The following SOBP variants were observed in gnomAD, a reference collection of about 807,000 sequenced individuals.
The protein encoded by SOBP is sine oculis binding protein homolog, also known as sine oculis-binding protein homolog.
Under a neutral mutation model 53.6 loss-of-function variants are expected in SOBP, and 4 were observed. The observed-to-expected ratio is 0.07, with a 90% CI of 0.04 to 0.17. The LOEUF (loss-of-function observed/expected upper bound fraction) is 0.17. Among genes scored for constraint, SOBP ranks in the 10% least tolerant of loss-of-function variants. The probability of loss-of-function intolerance (pLI) is 1.00; values close to 1 mark genes in which losing one functional copy is unlikely to be tolerated. For synonymous variants in SOBP, 584 were observed against 522.6 expected, an observed-to-expected ratio of 1.12 and a Z score of -1.60; for missense variants, 1,088 against 1,204.7, an observed-to-expected ratio of 0.90 and a Z score of 1.43.
intron 4 of SOBP, among the ~76,000 whole-genome samples, chr6:107,558,765 A>T (rs1288294976): frequency 1.3e-5 from 2 of 152,000 alleles, no homozygotes; most frequent in Non-Finnish European, 2.9e-5. Flanking sequence ...GTTAATTCAT[A>T]AGATACTAGA....
intron 5 of SOBP, among the ~76,000 whole-genome samples, chr6:107,618,989 G>A (rs1255275645): frequency 6.6e-6 from 1 of 152,206 alleles, no homozygotes; most frequent in Non-Finnish European, 1.5e-5. Flanking sequence ...GGTGAGCAGG[G>A]GCGGGGGAGC....
chr6:107,492,359 A>C (rs1025524727), intron 1 of SOBP, among the ~76,000 whole-genome samples: 2 of 152,202 alleles, frequency 1.3e-5, no homozygotes, highest in East Asian at 3.8e-4. Context: ...AGGAAATCAC[A>C]AGGAGCTCTG....
At chr6:107,602,865 A>G (rs1786235893) in intron 5 of SOBP, among the ~76,000 whole-genome samples, 1 of 152,050 alleles carries the variant, frequency 6.6e-6, no homozygotes, top group Admixed American at 6.6e-5. Context: ...ATCTGTTGAC[A>G]TTTTCAGCAA....
rs186766667 is a variant in SOBP at position 107,614,021 on chromosome 6, A to G, written c.670-19493A>G. ...CAGGTTCAGAAGTATGTTGTGTTTC[A>G]TCTTGTGTCACATGTTAAGAATGAA... On this transcript the variant is annotated intron_variant, in intron 5 of 6. Transcript: ENST00000317357. Among the ~76,000 whole-genome samples the G allele has an allele frequency of 1.5e-4, 23 of 152,332 alleles. No homozygotes were observed. In the East Asian group the frequency reaches 4.2e-3, roughly 28 times the overall value.
At chr6:107,575,137 C>G (rs1383428147) in intron 4 of SOBP, among the ~76,000 whole-genome samples, 1 of 152,122 alleles carries the variant, frequency 6.6e-6, no homozygotes, top group Non-Finnish European at 1.5e-5. Flanking sequence ...TTTATGGGCT[C>G]TTTGGTCTTA....
At chr6:107,521,961 A>ACAC (rs1562587693) in intron 3 of SOBP, among the ~76,000 whole-genome samples, 4 of 114,014 alleles carry the variant, frequency 3.5e-5, no homozygotes, top group African/African-American at 1.5e-4. Context: ...CACACACACA[A>ACAC]ACTCAATCAA....
chr6:107,562,225 G>A (rs1051228257), intron 4 of SOBP, among the ~76,000 whole-genome samples: 3 of 151,906 alleles, frequency 2.0e-5, no homozygotes, highest in Non-Finnish European at 4.4e-5. Flanking sequence ...TACCATGTTG[G>A]CCAGGCTGGT....
chr6:107,553,808 G>A (rs1784534498), intron 4 of SOBP, among the ~76,000 whole-genome samples: 1 of 152,114 alleles, frequency 6.6e-6, no homozygotes, highest in African/African-American at 2.4e-5. Context: ...TTTTAGTAGA[G>A]ACGAGGTTTT....
chr6:107,626,934 C>T (rs1264315693), intron 5 of SOBP, among the ~76,000 whole-genome samples: 2 of 152,168 alleles, frequency 1.3e-5, no homozygotes, highest in East Asian at 3.8e-4. Context: ...ATGAGATGAT[C>T]ACCGAGGTTC....
At chr6:107,608,437 G>C (rs904678886) in intron 5 of SOBP, among the ~76,000 whole-genome samples, 3 of 151,964 alleles carry the variant, frequency 2.0e-5, no homozygotes, top group Non-Finnish European at 2.9e-5. Flanking sequence ...ATAGTTGCGT[G>C]GTATTAGAAT....
In SOBP at chr6:107,533,540, G is replaced by C; in HGVS notation, c.503G>C (p.Ser168Thr). 6.2e-7 allele frequency: 1 copy of C among 1,614,196 alleles called. No homozygotes were observed. Among genetic ancestry groups the C allele is most frequent in the African/African-American group, 1.3e-5 (1 of 75,050 alleles). ...AAGCGCTATTCCCTGAGTATGGGAA[G>C]TGAGGTGAAAAGCTTCTGCAGCGAG... ...GIKRYSLSMG[S>T]EVKSFCSEKC... The change falls in exon 4 of 7, where the codon AGT becomes ACT. Residue 168 changes from serine to threonine, a missense_variant. By Grantham distance (58) the Ser-to-Thr change is moderately conservative. This residue lies in a region of SOBP where 55 missense variants were observed against 134.3 expected (regional missense o/e 0.41). Transcript: ENST00000317357.
At chr6:107,496,772 G>T (rs1782708734) in intron 1 of SOBP, among the ~76,000 whole-genome samples, 2 of 152,144 alleles carry the variant, frequency 1.3e-5, no homozygotes. Context: ...TCATCTGTGG[G>T]GGTGGCTCAT....
chr6:107,604,624 C>G (rs1000101344), intron 5 of SOBP, among the ~76,000 whole-genome samples: 3 of 151,946 alleles, frequency 2.0e-5, no homozygotes, highest in African/African-American at 7.3e-5. Context: ...CCACCTCCTT[C>G]TCTTTGGAAG....
intron 5 of SOBP, among the ~76,000 whole-genome samples, chr6:107,590,433 A>G (rs1006965996): frequency 6.6e-6 from 1 of 152,198 alleles, no homozygotes; most frequent in African/African-American, 2.4e-5. Context: ...ATGGAGTATT[A>G]TTTGGTTGGA....
chr6:107,607,251 A>C (rs1786419418), intron 5 of SOBP, among the ~76,000 whole-genome samples: 1 of 152,196 alleles, frequency 6.6e-6, no homozygotes, highest in Admixed American at 6.5e-5. Flanking sequence ...TTGGTCAGAT[A>C]ATGTGTCCTG....
chr6:107,592,408 A>G (rs764356621), intron 5 of SOBP, among the ~76,000 whole-genome samples: 5 of 152,090 alleles, frequency 3.3e-5, no homozygotes, highest in South Asian at 2.1e-4. Flanking sequence ...TATAACAAGA[A>G]CCCCTGAAAG....
At chr6:107,582,801 G>T (rs991802977) in intron 4 of SOBP, among the ~76,000 whole-genome samples, 6 of 152,160 alleles carry the variant, frequency 3.9e-5, no homozygotes, top group African/African-American at 1.4e-4. Context: ...AAAGTCAGAC[G>T]TGAACACAAT....
chr6:107,562,902 T>A (rs996135918), intron 4 of SOBP, among the ~76,000 whole-genome samples: 1 of 152,190 alleles, frequency 6.6e-6, no homozygotes, highest in Non-Finnish European at 1.5e-5. Context: ...AAGGTAAAAA[T>A]CTCAATAGTC....
intron 5 of SOBP, among the ~76,000 whole-genome samples, chr6:107,595,773 G>C (rs1374932904): frequency 6.6e-6 from 1 of 152,078 alleles, no homozygotes; most frequent in Non-Finnish European, 1.5e-5. Context: ...AATATTTGAA[G>C]TGGAGAAGAA....
Sources: allele counts gnomAD v4.1 joint callset (sites outside exome capture counted in the v4.1 genomes callset), GRCh38; gene constraint gnomAD v4.1.1; regional missense constraint gnomAD v4.1.1; transcripts MANE v1.5; gene names NCBI Gene and HGNC (gene_info 2026-07-23, HGNC 2026-07-21).